The following CCDC149 variants were observed in gnomAD, a reference collection of about 807,000 sequenced individuals.
CCDC149 encodes the protein coiled-coil domain-containing protein 149.
CCDC149 carries 45 observed loss-of-function variants against 59.9 expected under a neutral mutation model. The observed-to-expected ratio is 0.75, with a 90% CI of 0.59 to 0.96. CCDC149 has a LOEUF of 0.96. Among genes scored for constraint, CCDC149 ranks in the 40% least tolerant of loss-of-function variants. CCDC149 has a pLI of 0.00. For synonymous variants in CCDC149, 245 were observed against 260.6 expected (o/e 0.94, Z 0.58); for missense variants, 584 against 664.7 (o/e 0.88, Z 1.33).
intron 3 of CCDC149, among the ~76,000 whole-genome samples, chr4:24,856,136 G>A (rs551976966): frequency 1.5e-5 from 2 of 133,076 alleles, no homozygotes; most frequent in African/African-American, 5.7e-5. Flanking sequence ...TCAGTGAACA[G>A]AGCTGTGTAA....
intron 1 of CCDC149, among the ~76,000 whole-genome samples, chr4:24,938,452 G>C (rs1722845836): frequency 6.6e-6 from 1 of 152,222 alleles, no homozygotes. Flanking sequence ...AACAGCTCCA[G>C]TCTACAGCTC....
intron 1 of CCDC149, among the ~76,000 whole-genome samples, chr4:24,974,168 C>T (rs1287833221): frequency 6.6e-6 from 1 of 152,200 alleles, no homozygotes; most frequent in Admixed American, 6.5e-5. Flanking sequence ...CTCCCCAGGG[C>T]GGAAGGTGAC....
chr4:24,951,947 G>C (rs1007091269), intron 1 of CCDC149, among the ~76,000 whole-genome samples: 2 of 152,218 alleles, frequency 1.3e-5, no homozygotes, highest in Non-Finnish European at 2.9e-5. Context: ...AGAAGAAAAG[G>C]AGTTTCTGTG....
At chr4:24,928,457 A>G (rs1722491338) in intron 1 of CCDC149, among the ~76,000 whole-genome samples, 1 of 152,214 alleles carries the variant, frequency 6.6e-6, no homozygotes, top group African/African-American at 2.4e-5. Flanking sequence ...TGGTATGCAT[A>G]AAAGTCGAAG....
At chr4:24,914,792 T>G (rs1316111002), upstream of CCDC149, among the ~76,000 whole-genome samples, 1 of 152,226 alleles carries the variant, frequency 6.6e-6, no homozygotes, top group East Asian at 1.9e-4. Flanking sequence ...ATGAAGGGCC[T>G]GAATGGCTTG....
At chr4:24,939,185 C>T (rs1486255361) in intron 1 of CCDC149, among the ~76,000 whole-genome samples, 2 of 152,192 alleles carry the variant, frequency 1.3e-5, no homozygotes, top group Non-Finnish European at 2.9e-5. Context: ...GGGTACTCCT[C>T]TGAGACAAAA....
intron 1 of CCDC149, among the ~76,000 whole-genome samples, chr4:24,930,142 A>G (rs1722547780): frequency 6.6e-6 from 1 of 152,232 alleles, no homozygotes; most frequent in Non-Finnish European, 1.5e-5. Context: ...GGGTGAGTGG[A>G]AAGTGAACAG....
intron 1 of CCDC149, among the ~76,000 whole-genome samples, chr4:24,884,421 T>C (rs1267462095): frequency 1.3e-5 from 2 of 152,162 alleles, no homozygotes; most frequent in Admixed American, 6.5e-5. Flanking sequence ...AGTCGCACAA[T>C]GATGAAATTG....
chr4:24,888,179 A>G (rs1339870014), intron 1 of CCDC149, among the ~76,000 whole-genome samples: 2 of 152,148 alleles, frequency 1.3e-5, no homozygotes, highest in East Asian at 3.9e-4. Context: ...TCATCTTTGC[A>G]TCTCCAGAGC....
chr4:24,928,272 A>G (rs1188015940), intron 1 of CCDC149, among the ~76,000 whole-genome samples: 1 of 152,200 alleles, frequency 6.6e-6, no homozygotes, highest in Non-Finnish European at 1.5e-5. Context: ...ATTTTTCTAG[A>G]GACACGTACA....
At chr4:24,891,757 A>C (rs1324715502) in intron 1 of CCDC149, among the ~76,000 whole-genome samples, 1 of 152,154 alleles carries the variant, frequency 6.6e-6, no homozygotes, top group Admixed American at 6.5e-5. Context: ...CCAGCACTTT[A>C]GGAGGCCAAG....
At chr4:24,926,277 T>A (rs911767519) in intron 1 of CCDC149, among the ~76,000 whole-genome samples, 5 of 152,236 alleles carry the variant, frequency 3.3e-5, no homozygotes, top group African/African-American at 1.2e-4. Context: ...AAGAAGTTAG[T>A]CAGCACCCTC....
intron 3 of CCDC149, among the ~76,000 whole-genome samples, chr4:24,864,165 C>T (rs1315453298): frequency 6.6e-6 from 1 of 152,094 alleles, no homozygotes; most frequent in Admixed American, 6.6e-5. Flanking sequence ...AAATAATAGC[C>T]CTTCTCAAAA....
intron 1 of CCDC149, among the ~76,000 whole-genome samples, chr4:24,936,900 C>T (rs898361052): frequency 2.6e-5 from 4 of 152,184 alleles, no homozygotes; most frequent in African/African-American, 7.2e-5. Context: ...AGATCAGTCC[C>T]GAAGGTCTCT....
At chr4:24,967,831 G>T (rs1002730554) in intron 1 of CCDC149, among the ~76,000 whole-genome samples, 9 of 151,942 alleles carry the variant, frequency 5.9e-5, no homozygotes, top group Admixed American at 1.3e-4. Context: ...AGGTCCAAGG[G>T]CCTGGATTAT....
chr4:24,857,562 A>G (rs1718098276), intron 3 of CCDC149, among the ~76,000 whole-genome samples: 1 of 151,288 alleles, frequency 6.6e-6, no homozygotes, highest in Non-Finnish European at 1.5e-5. Flanking sequence ...TGGAAACTAG[A>G]GTAAAGAAGA....
chr4:24,935,222 T>G (rs1310309700), intron 1 of CCDC149, among the ~76,000 whole-genome samples: 1 of 152,028 alleles, frequency 6.6e-6, no homozygotes, highest in Admixed American at 6.5e-5. Context: ...GATGTAGAAG[T>G]GAAAGAAAGC....
At chr4:24,809,983 C>A (rs774459593) in intron 12 of CCDC149, among the ~76,000 whole-genome samples, 1 of 152,204 alleles carries the variant, frequency 6.6e-6, no homozygotes, top group African/African-American at 2.4e-5. Context: ...AATTTCCTTT[C>A]GCTTAGGCCC....
chr4:24,851,858 C>G lies in CCDC149; in HGVS notation c.372+1214G>C, dbSNP rs79450387. 8.9e-3 allele frequency among the ~76,000 whole-genome samples: 1,350 copies of G among 152,140 alleles called. 17 individuals are homozygous for G. The highest frequency in any genetic ancestry group is 0.03 in the African/African-American group (1,262 of 41,500). On this transcript the variant is annotated intron_variant, in intron 4 of 12. Transcript: ENST00000635206. The stretch of plus-strand genomic sequence containing the variant: ...TTTTAATGATGAATAAAACCACGAG[C>G]GGCTGGATTAGCTTGTCCAGTGTTA...
Sources: allele counts gnomAD v4.1 joint callset (sites outside exome capture counted in the v4.1 genomes callset), GRCh38; gene constraint gnomAD v4.1.1; transcripts MANE v1.5; gene names NCBI Gene and HGNC (gene_info 2026-07-23, HGNC 2026-07-21).